Variants in SNTG1 observed in about 807,000 individuals in gnomAD.
SNTG1 encodes the protein syntrophin gamma 1.
SNTG1 carries 39 observed loss-of-function variants against 74.7 expected under a neutral mutation model. That is an observed-to-expected ratio of 0.52 (90% CI 0.40 to 0.68). The LOEUF is 0.68. SNTG1 is among the 30% of genes least tolerant of loss of function. The pLI is 0.00. For missense variants in SNTG1, 685 were observed against 609.5 expected (o/e 1.12, Z -1.30); for synonymous variants, 254 against 217.1 (o/e 1.17, Z -1.49).
chr8:49,986,380 A>G (rs1419795743), intron 1 of SNTG1, among the ~76,000 whole-genome samples: 1 of 152,180 alleles, frequency 6.6e-6, no homozygotes, highest in Non-Finnish European at 1.5e-5. Context: ...GAATTGGAGT[A>G]AGATTCTAAT....
At chr8:50,661,360 G>A (rs2095222260) in intron 15 of SNTG1, among the ~76,000 whole-genome samples, 1 of 152,116 alleles carries the variant, frequency 6.6e-6, no homozygotes, top group South Asian at 2.1e-4. Flanking sequence ...ATATTTTAAT[G>A]TATTCAAGAT....
chr8:50,542,711 C>G (rs1184312487), intron 11 of SNTG1, among the ~76,000 whole-genome samples: 1 of 152,196 alleles, frequency 6.6e-6, no homozygotes, highest in Non-Finnish European at 1.5e-5. Flanking sequence ...TTTTCACCAA[C>G]AGTGCATAAG....
chr8:49,980,952 A>T (rs1197444226), intron 1 of SNTG1, among the ~76,000 whole-genome samples: 2 of 152,208 alleles, frequency 1.3e-5, no homozygotes, highest in Non-Finnish European at 2.9e-5. Flanking sequence ...AAATGGAATG[A>T]ATTCCCATAC....
intron 1 of SNTG1, among the ~76,000 whole-genome samples, chr8:50,062,204 T>C (rs755670116): frequency 5.9e-5 from 9 of 152,146 alleles, no homozygotes; most frequent in Non-Finnish European, 1.0e-4. Flanking sequence ...TCACCACTCC[T>C]GGCTAATTTT....
At chr8:50,102,334 T>G (rs2080168516) in intron 1 of SNTG1, among the ~76,000 whole-genome samples, 1 of 152,070 alleles carries the variant, frequency 6.6e-6, no homozygotes, top group African/African-American at 2.4e-5. Flanking sequence ...TTTTCATGTG[T>G]TTTTTGGCTG....
chr8:50,067,379 T>C (rs1820982896), intron 1 of SNTG1, among the ~76,000 whole-genome samples: 1 of 152,230 alleles, frequency 6.6e-6, no homozygotes. Flanking sequence ...GATTTACCTT[T>C]AAGCCATTAA....
chr8:50,137,506 G>T (rs576821590), intron 1 of SNTG1, among the ~76,000 whole-genome samples: 5 of 152,198 alleles, frequency 3.3e-5, no homozygotes, highest in African/African-American at 1.2e-4. Flanking sequence ...TTATCTTTCA[G>T]TGGAGGAGGA....
rs535420125 is a variant in SNTG1, at chr8:49,978,414, C to T, written c.-103+66183C>T. ...AAATGAAAATGCAGCCAAGGCAGAG[C>T]ACATTGGATAGGACTATACTTAACA... is the stretch of plus-strand genomic sequence containing the variant. On this transcript the variant is annotated intron_variant, in intron 1 of 18. Coordinates refer to ENST00000642720, the MANE Select transcript of SNTG1 (RefSeq NM_018967.5). Among the ~76,000 whole-genome samples, 9 of 152,250 alleles carry T rather than the reference C, an allele frequency of 5.9e-5. No homozygotes were observed. The East Asian group carries it at 1.7e-3, about 30-fold the overall frequency.
intron 2 of SNTG1, among the ~76,000 whole-genome samples, chr8:50,262,208 T>TTCC (rs2087229194): frequency 6.6e-6 from 1 of 152,188 alleles, no homozygotes; most frequent in Non-Finnish European, 1.5e-5. Flanking sequence ...AAAGCAGTGA[T>TTCC]TAAATGTAAA....
intron 11 of SNTG1, among the ~76,000 whole-genome samples, chr8:50,539,928 A>T (rs2094334508): frequency 6.6e-6 from 1 of 152,098 alleles, no homozygotes; most frequent in South Asian, 2.1e-4. Flanking sequence ...TTTTTATTGG[A>T]GGCTTTACGT....
rs911849351 is a variant in SNTG1 at position 50,645,524 on chromosome 8, A to G, written c.850-11385A>G. On this transcript the variant is annotated intron_variant, in intron 13 of 18. Transcript: ENST00000642720. Reference sequence around the variant, plus strand: ...ATTCTTATCTCCTTGTGTGGCTTATAAATTTTGGTTCAAGAAAAGACATTG... The same window carrying G: ...ATTCTTATCTCCTTGTGTGGCTTATGAATTTTGGTTCAAGAAAAGACATTG... 2.6e-5 allele frequency among the ~76,000 whole-genome samples: 4 copies of G among 152,054 alleles called. 1 individual carries two copies. The East Asian group carries it at 7.7e-4, about 29-fold the overall frequency.
intron 15 of SNTG1, among the ~76,000 whole-genome samples, chr8:50,689,744 A>G (rs1169884105): frequency 1.3e-5 from 2 of 152,206 alleles, no homozygotes; most frequent in Non-Finnish European, 2.9e-5. Flanking sequence ...CTTTGGTATC[A>G]GGATGATGCT....
chr8:50,586,846 T>A (rs1196457726), intron 12 of SNTG1, among the ~76,000 whole-genome samples: 1 of 151,778 alleles, frequency 6.6e-6, no homozygotes, highest in East Asian at 1.9e-4. Flanking sequence ...GAGAGCTTCG[T>A]TAAAAAAAAA....
chr8:50,102,134 A>T (rs2080155607), intron 1 of SNTG1, among the ~76,000 whole-genome samples: 1 of 149,764 alleles, frequency 6.7e-6, no homozygotes, highest in Non-Finnish European at 1.5e-5. Context: ...GAATCGCCAC[A>T]CTGACTTCCA....
At chr8:50,283,402 G>T (rs569513528) in intron 2 of SNTG1, among the ~76,000 whole-genome samples, 1 of 152,270 alleles carries the variant, frequency 6.6e-6, no homozygotes, top group African/African-American at 2.4e-5. Context: ...GAAAGAATCA[G>T]AGAAAAATGA....
At position 50,654,123 on chromosome 8, in the gene SNTG1, T is replaced by C. The variant is rs79265223; in HGVS notation, c.850-2786T>C. 4.0e-3 allele frequency among the ~76,000 whole-genome samples: 606 copies of C among 152,314 alleles called. 1 individual carries two copies. The highest frequency in any genetic ancestry group is 6.9e-3 in the Non-Finnish European group (469 of 68,018). On this transcript the variant is annotated intron_variant, in intron 13 of 18. Coordinates refer to ENST00000642720, the MANE Select transcript of SNTG1 (RefSeq NM_018967.5). ...GAATCTGTGTATTGACTTCTTTTTA[T>C]CTATTTGTGAAAATTCTTAGCCATC...
chr8:50,015,400 G>A (rs1451509661), intron 1 of SNTG1, among the ~76,000 whole-genome samples: 1 of 151,968 alleles, frequency 6.6e-6, no homozygotes, highest in Non-Finnish European at 1.5e-5. Context: ...TCAGAGAAAA[G>A]TGAGACACTA....
At chr8:50,017,178 T>C (rs1243963892) in intron 1 of SNTG1, among the ~76,000 whole-genome samples, 1 of 152,140 alleles carries the variant, frequency 6.6e-6, no homozygotes, top group African/African-American at 2.4e-5. Context: ...CTTAGGTCAA[T>C]ATCTTTCTGT....
At chr8:50,064,430 C>G (rs1381706527) in intron 1 of SNTG1, among the ~76,000 whole-genome samples, 1 of 152,182 alleles carries the variant, frequency 6.6e-6, no homozygotes, top group Non-Finnish European at 1.5e-5. Flanking sequence ...ACCATCACTC[C>G]TACATAGATT....
Sources: gnomAD v4.1 joint callset for allele counts (sites outside exome capture counted in the v4.1 genomes callset) on GRCh38, gnomAD v4.1.1 for gene constraint, MANE v1.5 for transcripts, NCBI Gene and HGNC (gene_info 2026-07-23, HGNC 2026-07-21) for gene names.